The following GPI variants were observed in gnomAD, a reference collection of about 807,000 sequenced individuals.
GPI encodes the protein D-hexose-6-phosphate anomerase.
GPI carries 56 observed loss-of-function variants against 75.8 expected under a neutral mutation model. The observed-to-expected ratio is 0.74, with a 90% CI of 0.60 to 0.92. The LOEUF is 0.92. Among genes scored for constraint, GPI ranks in the 40% least tolerant of loss-of-function variants. GPI has a pLI of 0.00. For missense variants in GPI, 638 were observed against 741.0 expected (o/e 0.86, Z 1.61); for synonymous variants, 288 against 285.4 (o/e 1.01, Z -0.09).
At chr19:34,391,977 G>C (rs932352938) in intron 9 of GPI, among the ~76,000 whole-genome samples, 3 of 462 alleles carry the variant, frequency 6.5e-3, no homozygotes, top group African/African-American at 0.022. Context: ...ATTTGGTTCT[G>C]TTCATGTCTG....
upstream of GPI, chr19:34,365,068 C>T: frequency 6.8e-7 from 1 of 1,474,268 alleles, no homozygotes; most frequent in Non-Finnish European, 9.0e-7. Context: ...CGGGCAAGGT[C>T]GCTCAGCGGG....
chr19:34,389,541 G>C (rs541528843), intron 9 of GPI, among the ~76,000 whole-genome samples: 1 of 152,138 alleles, frequency 6.6e-6, no homozygotes, highest in Non-Finnish European at 1.5e-5. Context: ...CCTCTCCTTC[G>C]TGTCTAGAAG....
At chr19:34,377,301 C>CAAAAAAAAAAAAAAAA (rs1169701523) in intron 4 of GPI, among the ~76,000 whole-genome samples, 1 of 15,468 alleles carries the variant, frequency 6.5e-5, no homozygotes, top group Non-Finnish European at 9.9e-5. Context: ...GGCTTCATCT[C>CAAAAAAAAAAAAAAAA]AAAAAAAAAA....
intron 3 of GPI, among the ~76,000 whole-genome samples, 175 bp from the exon 4 acceptor site, chr19:34,368,408 T>C (rs1217336049): frequency 1.3e-5 from 2 of 152,170 alleles, no homozygotes; most frequent in African/African-American, 4.8e-5. Context: ...CTTGGGGAGC[T>C]CCTACTCCTC....
chr19:34,393,827 C>G lies in GPI; in HGVS notation c.909+56C>G. 1 of 1,605,590 alleles carries G rather than the reference C, an allele frequency of 6.2e-7. No individual in the cohort carries two copies. The highest frequency in any genetic ancestry group is 8.5e-7 in the Non-Finnish European group (1 of 1,173,694). ...GCTGGCCAGAGGCGCGTGTGTTGGT[C>G]CTGGTCCCCCGCTTTCTCCCCCACT... On this transcript the variant is annotated intron_variant, in intron 11 of 17. Coordinates refer to ENST00000356487, the MANE Select transcript of GPI (RefSeq NM_000175.5). The surrounding 1 kb of genome is among the most constrained non-coding windows in gnomAD (Gnocchi z 4.4).
In GPI at chr19:34,400,515, C is replaced by A. The variant is rs1017638285; in HGVS notation, c.*479C>A. ...GGGGTGGGGGCACAATCAGTCAGGA[C>A]GGCAACTTGGCCTGTGTCACCAAAT... On this transcript the variant is annotated 3_prime_UTR_variant, in exon 18 of 18. Transcript: ENST00000356487. 3 of 484,312 alleles carry A rather than the reference C, an allele frequency of 6.2e-6. No homozygotes were observed. Among genetic ancestry groups the A allele is most frequent in the African/African-American group, 5.8e-5 (3 of 51,424 alleles). The allele number at this position is 484,312 out of a possible 1,614,324, so 30.0% of individuals were successfully genotyped here.
In GPI at chr19:34,393,964, G is replaced by C. The variant is rs1467086180; in HGVS notation, c.960G>C (p.Leu320=). Residue 320 remains leucine, a synonymous_variant, in exon 12 of 18, where the codon CTG becomes CTC. Transcript: ENST00000356487. The surrounding 1 kb of genome is among the most constrained non-coding windows in gnomAD (Gnocchi z 4.4). ...TPLEKNAPVL[L]ALLGIWYINC... ...TGGAGAAGAACGCCCCCGTCTTGCT[G>C]GCCCTGCTGGGTATCTGGTACATCA... The C allele has an allele frequency of 6.2e-7, 1 of 1,613,522 alleles. No homozygotes were observed. Among genetic ancestry groups the C allele is most frequent in the Non-Finnish European group, 8.5e-7 (1 of 1,179,896 alleles).
At chr19:34,396,036 T>G (rs992716168) in intron 12 of GPI, among the ~76,000 whole-genome samples, 3 of 151,676 alleles carry the variant, frequency 2.0e-5, no homozygotes, top group Non-Finnish European at 2.9e-5. Context: ...CCTCCCGGGT[T>G]CAAGCGATTC....
chr19:34,399,034 T>C, intron 14 of GPI, 173 bp from the exon 15 acceptor site: 2 of 567,922 alleles, frequency 3.5e-6, no homozygotes, highest in South Asian at 4.0e-5. Flanking sequence ...AGAGCAGTTA[T>C]CACTGTTCCC....
At chr19:34,396,544 G>A (rs368252746) in intron 13 of GPI, 37 bp from the exon 14 acceptor site, 5 of 1,611,464 alleles carry the variant, frequency 3.1e-6, no homozygotes, top group Non-Finnish European at 4.2e-6. Flanking sequence ...GCTCCCATGG[G>A]CTGGGGTCAT....
Position 34,396,408 on chromosome 19 carries a change from T to A in GPI, c.1170T>A (p.Ala390=). Residue 390 remains alanine (A), a synonymous_variant, in exon 13 of 18, where the codon GCT becomes GCA. Coordinates refer to ENST00000356487, the MANE Select transcript of GPI (RefSeq NM_000175.5). ...AGCCAGGGACCAATGGCCAGCATGC[T>A]TTTTACCAGCTCATCCACCAAGGTA... ...WGEPGTNGQH[A]FYQLIHQGTK... The A allele has an allele frequency of 1.9e-6, 3 of 1,614,178 alleles. No homozygotes were observed. Among genetic ancestry groups the A allele is most frequent in the Non-Finnish European group, 2.5e-6 (3 of 1,180,016 alleles).
Position 34,400,527 on chromosome 19 carries a change from C to T in GPI, c.*491C>T, listed in dbSNP as rs1047346540. On this transcript the variant is annotated 3_prime_UTR_variant, in exon 18 of 18. Coordinates refer to ENST00000356487, the MANE Select transcript of GPI (RefSeq NM_000175.5). ...CAATCAGTCAGGACGGCAACTTGGC[C>T]TGTGTCACCAAATCCCAAGACTGTT... The T allele has an allele frequency of 1.1e-5, 5 of 469,400 alleles. No individual in the cohort carries two copies. The highest frequency in any genetic ancestry group is 1.9e-5 in the Non-Finnish European group (5 of 268,446). 29.1% of individuals were successfully genotyped at this position (469,400 alleles called of 1,614,324 possible).
At chr19:34,361,407 T>C (rs1179816424), upstream of GPI, among the ~76,000 whole-genome samples, 1 of 152,108 alleles carries the variant, frequency 6.6e-6, no homozygotes, top group Non-Finnish European at 1.5e-5. Flanking sequence ...TCACATTTCT[T>C]AACCTCTCTG....
At chr19:34,365,023 G>T, upstream of GPI, 1 of 1,528,932 alleles carries the variant, frequency 6.5e-7, no homozygotes, top group Non-Finnish European at 8.7e-7. Context: ...GCAAGAGGTA[G>T]GGAGAGAGGA....
Position 34,377,531 on chromosome 19 carries a change from A to G in GPI, c.431A>G (p.Tyr144Cys). The G allele has an allele frequency of 6.2e-7, 1 of 1,612,986 alleles. No individual in the cohort carries two copies. The highest frequency in any genetic ancestry group is 8.5e-7 in the Non-Finnish European group (1 of 1,179,644). Residue 144 changes from tyrosine (Y) to cysteine (C), a missense_variant, in exon 5 of 18, where the codon TAC (tyrosine) becomes TGC (cysteine). Physicochemically the swap from Tyr to Cys is radical, Grantham distance 194. Coordinates refer to ENST00000356487, the MANE Select transcript of GPI (RefSeq NM_000175.5). ...QRVRSGDWKGYTGKTITDVIN... is the reference protein window; with the variant it reads ...QRVRSGDWKGCTGKTITDVIN... ...GTCCGGAGCGGTGACTGGAAGGGGTACACAGGCAAGACCATCACGGACGTC... is the reference window on the plus strand; with the variant it reads ...GTCCGGAGCGGTGACTGGAAGGGGTGCACAGGCAAGACCATCACGGACGTC...
In GPI at chr19:34,400,400, A is replaced by G. The variant is rs2075005760; in HGVS notation, c.*364A>G. On this transcript the variant is annotated 3_prime_UTR_variant, in exon 18 of 18. Coordinates refer to ENST00000356487, the MANE Select transcript of GPI (RefSeq NM_000175.5). Reference sequence around the variant, plus strand: ...TATGTAGCAGAGGGCAGGAGCGCTCAGCAGGACGCAGGCTGTGCCTCTGCG... The same window carrying G: ...TATGTAGCAGAGGGCAGGAGCGCTCGGCAGGACGCAGGCTGTGCCTCTGCG... The G allele has an allele frequency of 3.4e-6, 2 of 595,312 alleles. No individual in the cohort carries two copies. The highest frequency in any genetic ancestry group is 6.0e-5 in the Admixed American group (2 of 33,168). 36.9% of individuals were successfully genotyped at this position (595,312 alleles called of 1,614,324 possible).
chr19:34,374,915 A>G (rs1449042464), intron 4 of GPI, among the ~76,000 whole-genome samples: 1 of 150,084 alleles, frequency 6.7e-6, no homozygotes, highest in Non-Finnish European at 1.5e-5. Flanking sequence ...TTTTGTAGAG[A>G]TGACGTCTTG....
chr19:34,371,540 G>GTCAAA (rs2074452394), intron 4 of GPI, among the ~76,000 whole-genome samples: 1 of 152,108 alleles, frequency 6.6e-6, no homozygotes, highest in Non-Finnish European at 1.5e-5. Flanking sequence ...TGAAGGCTGG[G>GTCAAA]TGTAATTGTA....
chr19:34,371,412 C>A (rs571439629), intron 4 of GPI, among the ~76,000 whole-genome samples: 1 of 152,172 alleles, frequency 6.6e-6, no homozygotes, highest in African/African-American at 2.4e-5. Flanking sequence ...ATCCTGGGCA[C>A]CAATAGGGAT....
Sources: gnomAD v4.1 joint callset for allele counts (sites outside exome capture counted in the v4.1 genomes callset) on GRCh38, gnomAD v4.1.1 for gene constraint, Gnocchi (gnomAD v3.1) non-coding constraint, MANE v1.5 for transcripts, NCBI Gene and HGNC (gene_info 2026-07-23, HGNC 2026-07-21) for gene names.